AHRR: variants seen among roughly 807,000 people sequenced by gnomAD.
The protein encoded by AHRR is ahR repressor.
AHRR carries 28 observed loss-of-function variants against 44.0 expected under a neutral mutation model. The observed-to-expected ratio is 0.64, with a 90% confidence interval of 0.47 to 0.87. The LOEUF (loss-of-function observed/expected upper bound fraction) is 0.87. Among genes scored for constraint, AHRR ranks in the 40% least tolerant of loss-of-function variants. The pLI, the probability that AHRR is intolerant of heterozygous loss-of-function variation, is 0.00. For missense variants in AHRR, 990 were observed against 953.9 expected (o/e 1.04, Z -0.50); for synonymous variants, 434 against 407.0 (o/e 1.07, Z -0.80).
At chr5:330,003 T>C (rs1421225904) in intron 1 of AHRR, among the ~76,000 whole-genome samples, 1 of 152,224 alleles carries the variant, frequency 6.6e-6, no homozygotes, top group Non-Finnish European at 1.5e-5. Flanking sequence ...CAGTATTATA[T>C]TGAATAGGAG....
intron 3 of AHRR, among the ~76,000 whole-genome samples, chr5:375,995 C>A (rs1733606436): frequency 8.8e-6 from 1 of 113,338 alleles, no homozygotes. Context: ...CTGTCCTGGA[C>A]CTGCCTTTTC....
intron 5 of AHRR, chr5:418,553 C>T (rs10059358): frequency 0.086 from 13,166 of 152,380 alleles, 748 homozygotes; most frequent in Admixed American, 0.14. Flanking sequence ...TACCTGACTG[C>T]GGGGTTGGAG....
rs578145848 is a variant in AHRR at position 369,105 on chromosome 5, T to A, written c.245-7505T>A. ...TGCCCCACAAGCTGTAACTAAGGGT[T>A]TTGGAAGCACACTCGCCCATCCAGC... On this transcript the variant is annotated intron_variant, in intron 3 of 10. Transcript: ENST00000684583. Among the ~76,000 whole-genome samples the A allele has an allele frequency of 2.2e-4, 34 of 152,274 alleles. 1 individual carries two copies. In the South Asian group the frequency reaches 6.6e-3, roughly 30 times the overall value.
chr5:401,198 C>G (rs947747643), intron 4 of AHRR, among the ~76,000 whole-genome samples: 4 of 152,212 alleles, frequency 2.6e-5, no homozygotes, highest in Non-Finnish European at 5.9e-5. Flanking sequence ...CCTGTCTCTG[C>G]CTAAATCCAA....
At chr5:430,347 T>G (rs1736667972) in intron 8 of AHRR, among the ~76,000 whole-genome samples, 1 of 152,210 alleles carries the variant, frequency 6.6e-6, no homozygotes, top group Admixed American at 6.5e-5. Context: ...TTCACACCCG[T>G]GCCCTCCGTG....
In AHRR at chr5:345,330, GT is replaced by G. The variant is rs1560885264; in HGVS notation, c.62+1367del. Among the ~76,000 whole-genome samples the G allele has an allele frequency of 3.9e-3, 171 of 43,382 alleles. 6 individuals are homozygous for G. Among genetic ancestry groups the G allele is most frequent in the Non-Finnish European group, 6.8e-3 (135 of 19,776 alleles). The allele number at this position is 43,382 out of a possible 152,430, so 28.5% of individuals were successfully genotyped here. A position where few individuals can be genotyped will look rare whatever the true frequency, so the allele number is the denominator to read the frequency against. On this transcript the variant is annotated intron_variant, in intron 2 of 10. Transcript: ENST00000684583. ...TGTGGGGATGTGTGTGTGTGTGTGT[GT>G]GGGGATGTGTGTGTGTGTGTGTCGG...
chr5:349,350 G>A (rs1579610497), intron 2 of AHRR, among the ~76,000 whole-genome samples: 1 of 152,172 alleles, frequency 6.6e-6, no homozygotes, highest in East Asian at 1.9e-4. Flanking sequence ...GGCCGAGGCG[G>A]GAGGACCACA....
chr5:347,979 G>T (rs369507895), intron 2 of AHRR, among the ~76,000 whole-genome samples: 1 of 152,218 alleles, frequency 6.6e-6, no homozygotes, highest in Non-Finnish European at 1.5e-5. Context: ...ATTTTGTCTG[G>T]AAGGGGTGGC....
intron 4 of AHRR, among the ~76,000 whole-genome samples, chr5:409,400 C>A (rs767771701): frequency 6.6e-6 from 1 of 152,160 alleles, no homozygotes; most frequent in Admixed American, 6.5e-5. Context: ...TTATGTGGAA[C>A]GGCAGGACAG....
chr5:413,534 G>C, intron 5 of AHRR, 101 bp downstream of exon 5: 1 of 894,516 alleles, frequency 1.1e-6, no homozygotes, highest in Admixed American at 2.2e-5. Context: ...GTAAAATCAG[G>C]CTTTTCCTAT....
Position 413,367 on chromosome 5 carries a change from C to G in AHRR, c.375C>G (p.Val125=), listed in dbSNP as rs747226476. The G allele has an allele frequency of 6.2e-7, 1 of 1,611,822 alleles. No individual in the cohort carries two copies. Among genetic ancestry groups the G allele is most frequent in the Non-Finnish European group, 8.5e-7 (1 of 1,179,078 alleles). Residue 125 remains valine, a synonymous_variant, in exon 5 of 11, where the codon GTC becomes GTG. Coordinates refer to ENST00000684583, the MANE Select transcript of AHRR (RefSeq NM_001377236.1). ...LLESLNGFAL[V]VSAEGTIFYA... The stretch of plus-strand genomic sequence containing the variant: ...AGTCTCTTAATGGCTTTGCTCTGGT[C>G]GTGAGTGCAGAAGGGACGATATTTT...
intron 1 of AHRR, among the ~76,000 whole-genome samples, chr5:330,487 C>T (rs1173564820): frequency 6.6e-6 from 1 of 152,104 alleles, no homozygotes; most frequent in East Asian, 1.9e-4. Context: ...AATTCTCATG[C>T]CTCAGCCTCC....
Position 432,427 on chromosome 5 carries a change from C to T in AHRR, c.909-36C>T, listed in dbSNP as rs200708881. 1.3e-4 allele frequency: 208 copies of T among 1,597,714 alleles called. No homozygotes were observed. The African/African-American group carries it at 2.1e-3, about 16-fold the overall frequency. Reference sequence around the variant, plus strand: ...TCATCCACATGTCATCTTGTTCATCCGTCACATGTCACATGTTCATCTGTG... The same window carrying T: ...TCATCCACATGTCATCTTGTTCATCTGTCACATGTCACATGTTCATCTGTG... On this transcript the variant is annotated intron_variant, in intron 8 of 10. Coordinates refer to ENST00000684583, the MANE Select transcript of AHRR (RefSeq NM_001377236.1).
chr5:368,181 T>A (rs184803071), intron 3 of AHRR, among the ~76,000 whole-genome samples: 11 of 152,320 alleles, frequency 7.2e-5, no homozygotes, highest in Admixed American at 1.3e-4. Context: ...CATCCATACC[T>A]GTGGGTAGAG....
intron 5 of AHRR, among the ~76,000 whole-genome samples, chr5:416,736 G>A (rs1439144340): frequency 6.6e-6 from 1 of 152,236 alleles, no homozygotes; most frequent in Non-Finnish European, 1.5e-5. Flanking sequence ...GGGGTTTGGT[G>A]CATCCTTCAC....
At chr5:415,037 G>C (rs748648867) in intron 5 of AHRR, among the ~76,000 whole-genome samples, 1 of 152,258 alleles carries the variant, frequency 6.6e-6, no homozygotes, top group African/African-American at 2.4e-5. Context: ...GCACGGGGTG[G>C]GGCCATGGCC....
chr5:379,394 C>G (rs1733887059), intron 4 of AHRR, among the ~76,000 whole-genome samples: 1 of 152,200 alleles, frequency 6.6e-6, no homozygotes, highest in Admixed American at 6.5e-5. Flanking sequence ...AATAGACGTT[C>G]ACATACAGGT....
At position 419,717 on chromosome 5, in the gene AHRR, C is replaced by T. The variant is rs1202707593; in HGVS notation, c.442-3012C>T. ...GGACCAACAGGCCGGCCCATAAGAG[C>T]TGATGGGGTTGGTATTTCTGTTTGT... is the stretch of plus-strand genomic sequence containing the variant. On this transcript the variant is annotated intron_variant, in intron 5 of 10. Coordinates refer to ENST00000684583, the MANE Select transcript of AHRR (RefSeq NM_001377236.1). The surrounding 1 kb of genome is among the most constrained non-coding windows in gnomAD (Gnocchi z 4.4). 6.6e-6 allele frequency among the ~76,000 whole-genome samples: 1 copy of T among 152,162 alleles called. No homozygotes were observed. Among genetic ancestry groups the T allele is most frequent in the Non-Finnish European group, 1.5e-5 (1 of 68,032 alleles).
At position 337,861 on chromosome 5, in the gene AHRR, C is replaced by T. The variant is rs772630184; in HGVS notation, c.-10-6032C>T. 2.4e-4 allele frequency among the ~76,000 whole-genome samples: 36 copies of T among 152,188 alleles called. No individual in the cohort carries two copies. The highest frequency in any genetic ancestry group is 7.5e-4 in the African/African-American group (31 of 41,532). ...TCTATGGCAGTGGTGAGCAGGAACA[C>T]GAAAAAATAGGAAGCACTGGAACCA... On this transcript the variant is annotated intron_variant, in intron 1 of 10. Coordinates refer to ENST00000684583, the MANE Select transcript of AHRR (RefSeq NM_001377236.1). The surrounding 1 kb of genome is among the most constrained non-coding windows in gnomAD (Gnocchi z 4.1).
Sources: gnomAD v4.1 joint callset for allele counts (sites outside exome capture counted in the v4.1 genomes callset) on GRCh38, gnomAD v4.1.1 for gene constraint, Gnocchi (gnomAD v3.1) non-coding constraint, MANE v1.5 for transcripts, NCBI Gene and HGNC (gene_info 2026-07-23, HGNC 2026-07-21) for gene names.